CDK14: variants seen among roughly 807,000 people sequenced by gnomAD.
CDK14 encodes cyclin dependent kinase 14.
CDK14 carries 34 observed loss-of-function variants against 60.7 expected under a neutral mutation model. The observed-to-expected ratio is 0.56, with a 90% CI of 0.43 to 0.75. The LOEUF is 0.75. Among genes scored for constraint, CDK14 ranks in the 30% least tolerant of loss-of-function variants. The pLI is 0.00. For missense variants in CDK14, 482 were observed against 564.1 expected (o/e 0.85, Z 1.47); for synonymous variants, 197 against 203.7 (o/e 0.97, Z 0.28).
intron 14 of CDK14, among the ~76,000 whole-genome samples, chr7:91,179,010 C>A (rs1224180841): frequency 3.3e-5 from 5 of 152,174 alleles, no homozygotes; most frequent in Admixed American, 6.5e-5. Flanking sequence ...ATGCACACAT[C>A]TGTTTATTGC....
At chr7:90,941,538 T>A (rs1358251753) in intron 8 of CDK14, among the ~76,000 whole-genome samples, 1 of 152,126 alleles carries the variant, frequency 6.6e-6, no homozygotes, top group Non-Finnish European at 1.5e-5. Flanking sequence ...CACTGCAGCC[T>A]TATATTCCTG....
intron 8 of CDK14, among the ~76,000 whole-genome samples, chr7:90,933,516 CA>C (rs1793659048): frequency 6.6e-6 from 1 of 152,110 alleles, no homozygotes. Flanking sequence ...GTTATGTAAA[CA>C]GAGGGCTGTA....
intron 14 of CDK14, among the ~76,000 whole-genome samples, chr7:91,155,788 G>A (rs900491836): frequency 6.6e-6 from 1 of 151,976 alleles, no homozygotes; most frequent in African/African-American, 2.4e-5. Context: ...ATTTCTGTTG[G>A]GTTTATATAT....
At chr7:91,115,004 TAG>T (rs1314677600) in intron 13 of CDK14, among the ~76,000 whole-genome samples, 1 of 152,206 alleles carries the variant, frequency 6.6e-6, no homozygotes, top group Non-Finnish European at 1.5e-5. Context: ...CATATTAGCA[TAG>T]AGTCTTGTAA....
chr7:90,694,234 A>G (rs1425791757), intron 2 of CDK14, among the ~76,000 whole-genome samples: 5 of 152,204 alleles, frequency 3.3e-5, no homozygotes, highest in Non-Finnish European at 7.3e-5. Flanking sequence ...AGTAATCTCT[A>G]AGGTTAAGAG....
intron 14 of CDK14, among the ~76,000 whole-genome samples, chr7:91,184,204 T>TAAAAAAAAAAACAA (rs1802096956): frequency 2.7e-5 from 1 of 36,678 alleles, no homozygotes; most frequent in Non-Finnish European, 4.4e-5. Flanking sequence ...GGCTCCGTCT[T>TAAAAAAAAAAACAA]AAAAAAAAAA....
chr7:90,951,231 A>T (rs1224256110), intron 8 of CDK14, among the ~76,000 whole-genome samples: 1 of 152,034 alleles, frequency 6.6e-6, no homozygotes, highest in Non-Finnish European at 1.5e-5. Flanking sequence ...TCCTAGAAAT[A>T]TTGATTTTGT....
chr7:90,633,715 A>C (rs1053484639), intron 2 of CDK14, among the ~76,000 whole-genome samples: 2 of 152,206 alleles, frequency 1.3e-5, no homozygotes, highest in East Asian at 1.9e-4. Flanking sequence ...TGGCATAATA[A>C]ATGCCTAAAA....
At chr7:90,644,684 C>T (rs918077037) in intron 2 of CDK14, among the ~76,000 whole-genome samples, 3 of 152,174 alleles carry the variant, frequency 2.0e-5, no homozygotes, top group Non-Finnish European at 4.4e-5. Flanking sequence ...TATCAGAATA[C>T]TTCTAGGGGC....
At chr7:90,665,461 T>C (rs1800958534) in intron 2 of CDK14, among the ~76,000 whole-genome samples, 1 of 152,174 alleles carries the variant, frequency 6.6e-6, no homozygotes. Flanking sequence ...AAATATGCAA[T>C]GGATAGCAAA....
intron 2 of CDK14, among the ~76,000 whole-genome samples, chr7:90,656,561 G>A (rs1398918434): frequency 6.6e-6 from 1 of 151,966 alleles, no homozygotes; most frequent in African/African-American, 2.4e-5. Context: ...TTTATTTTTA[G>A]TAGAGATGGA....
intron 8 of CDK14, among the ~76,000 whole-genome samples, chr7:90,925,217 A>C (rs113799880): frequency 3.1e-4 from 47 of 152,310 alleles, no homozygotes; most frequent in African/African-American, 1.1e-3. Flanking sequence ...AAGGATACTG[A>C]TATAAAAATG....
chr7:90,796,209 A>G (rs1308304185), intron 5 of CDK14, among the ~76,000 whole-genome samples: 1 of 152,106 alleles, frequency 6.6e-6, no homozygotes, highest in East Asian at 1.9e-4. Flanking sequence ...GAGCCTCTGA[A>G]GACTTTAGAG....
chr7:91,045,996 C>G (rs771780250), intron 11 of CDK14, 36 bp downstream of exon 11: 5 of 1,357,728 alleles, frequency 3.7e-6, no homozygotes, highest in Non-Finnish European at 5.3e-6. Flanking sequence ...TAGGTGCTTC[C>G]TATATGCAAA....
chr7:90,965,620 C>G (rs901185924), intron 9 of CDK14, among the ~76,000 whole-genome samples: 14 of 152,180 alleles, frequency 9.2e-5, no homozygotes, highest in African/African-American at 3.1e-4. Context: ...TGGAGTGTCA[C>G]TGACTGCAGA....
chr7:90,820,513 T>G (rs1161583472), intron 5 of CDK14, among the ~76,000 whole-genome samples: 1 of 152,218 alleles, frequency 6.6e-6, no homozygotes, highest in Non-Finnish European at 1.5e-5. Context: ...CTGTCTCTCC[T>G]GCCACCATGT....
intron 10 of CDK14, among the ~76,000 whole-genome samples, chr7:91,036,872 TG>T (rs1452433962): frequency 6.6e-6 from 1 of 152,296 alleles, no homozygotes; most frequent in East Asian, 1.9e-4. Context: ...AAGGGCCAGT[TG>T]TAATCTCAGA....
chr7:90,790,034 A>G (rs571259791), intron 4 of CDK14, among the ~76,000 whole-genome samples: 2 of 152,050 alleles, frequency 1.3e-5, no homozygotes, highest in South Asian at 2.1e-4. Context: ...AAGCACAACT[A>G]GACCAAATAT....
intron 5 of CDK14, among the ~76,000 whole-genome samples, chr7:90,828,300 C>A (rs1252914614): frequency 6.6e-6 from 1 of 152,210 alleles, no homozygotes; most frequent in Non-Finnish European, 1.5e-5. Flanking sequence ...GTGGACCCAG[C>A]AGTATTCTTC....
Sources: allele counts gnomAD v4.1 joint callset (sites outside exome capture counted in the v4.1 genomes callset), GRCh38; gene constraint gnomAD v4.1.1; transcripts MANE v1.5; gene names NCBI Gene and HGNC (gene_info 2026-07-23, HGNC 2026-07-21).